The following SLC24A2 variants were observed in gnomAD, a reference collection of about 807,000 sequenced individuals.
The protein encoded by SLC24A2 is solute carrier family 24 member 2.
A neutral mutation model predicts 62.0 loss-of-function variants in SLC24A2; 36 were observed. The ratio of observed to expected loss-of-function variants is 0.58; its 90% CI spans 0.44 to 0.77. SLC24A2 has a LOEUF of 0.77. SLC24A2 is among the 30% of genes least tolerant of loss of function. SLC24A2 has a pLI of 0.00. For missense variants in SLC24A2, 846 were observed against 817.9 expected (o/e 1.03, Z -0.42); for synonymous variants, 358 against 294.0 (o/e 1.22, Z -2.23).
chr9:19,847,632 G>C, the SLC24A2 span, among the ~76,000 whole-genome samples: 1 of 152,182 alleles, frequency 6.6e-6, no homozygotes, highest in African/African-American at 2.4e-5. Context: ...ACACCGGAGA[G>C]AAGACTGGGA....
chr9:20,237,112 G>T, the SLC24A2 span, among the ~76,000 whole-genome samples: 1 of 152,138 alleles, frequency 6.6e-6, no homozygotes, highest in East Asian at 1.9e-4. Flanking sequence ...GAACCTCCAG[G>T]TTACTCCTTG....
At chr9:20,049,967 T>C in the SLC24A2 span, among the ~76,000 whole-genome samples, 5 of 152,066 alleles carry the variant, frequency 3.3e-5, no homozygotes, top group African/African-American at 4.8e-5. Flanking sequence ...GTGTGCCACA[T>C]TGGTTAAACC....
At chr9:19,793,171 G>A (rs995013295), upstream of SLC24A2, among the ~76,000 whole-genome samples, 1 of 152,228 alleles carries the variant, frequency 6.6e-6, no homozygotes, top group East Asian at 1.9e-4. Context: ...TGTAGGTTAT[G>A]TTATGATAAC....
the SLC24A2 span, among the ~76,000 whole-genome samples, chr9:19,966,424 AC>A: frequency 6.6e-6 from 1 of 152,250 alleles, no homozygotes; most frequent in African/African-American, 2.4e-5. Context: ...GGGTATGAAC[AC>A]AAAGATCATT....
chr9:19,704,178 G>T (rs916314513), intron 2 of SLC24A2, among the ~76,000 whole-genome samples: 1 of 152,166 alleles, frequency 6.6e-6, no homozygotes, highest in African/African-American at 2.4e-5. Flanking sequence ...TAGTAGGTCT[G>T]GGGGAGCGCC....
chr9:19,864,033 G>A, the SLC24A2 span, among the ~76,000 whole-genome samples: 4 of 151,774 alleles, frequency 2.6e-5, no homozygotes, highest in Non-Finnish European at 5.9e-5. Flanking sequence ...TCAAAGGATC[G>A]TTAGTGGCTA....
the SLC24A2 span, among the ~76,000 whole-genome samples, chr9:19,990,073 A>C: frequency 1.3e-5 from 2 of 152,160 alleles, no homozygotes; most frequent in Non-Finnish European, 2.9e-5. Context: ...GAATGACTAA[A>C]ATTATAAACA....
At chr9:20,243,722 C>T in the SLC24A2 span, among the ~76,000 whole-genome samples, 2 of 152,192 alleles carry the variant, frequency 1.3e-5, no homozygotes, top group East Asian at 3.9e-4. Flanking sequence ...AAAAGGAAAG[C>T]AGAGCAAATG....
chr9:19,576,930 G>C lies in SLC24A2; in HGVS notation c.1222C>G (p.His408Asp), dbSNP rs758669345. The C allele has an allele frequency of 1.4e-5, 22 of 1,612,008 alleles. No individual in the cohort carries two copies. The highest frequency in any genetic ancestry group is 6.7e-5 in the Admixed American group (4 of 59,994). ...GATGTTTCCCTGCACTCACCCACGT[G>C]GTTGGCAGCCCCATTCTGCCTCTCG... Reference protein sequence around the residue: ...ENERQNGAANHVEKIELPNST... With the variant: ...ENERQNGAANDVEKIELPNST... Residue 408 changes from histidine (H) to aspartate (D), a missense_variant, in exon 6 of 11, where the codon CAC (histidine) becomes GAC (aspartate). Coordinates refer to ENST00000341998, the MANE Select transcript of SLC24A2 (RefSeq NM_020344.4).
the SLC24A2 span, among the ~76,000 whole-genome samples, chr9:19,948,727 C>A: frequency 6.6e-6 from 1 of 150,866 alleles, no homozygotes; most frequent in East Asian, 2.0e-4. Flanking sequence ...CGCCTGTAGT[C>A]CCAGCTACTC....
At chr9:20,188,490 C>T in the SLC24A2 span, among the ~76,000 whole-genome samples, 4 of 152,302 alleles carry the variant, frequency 2.6e-5, no homozygotes, top group South Asian at 8.3e-4. Flanking sequence ...CAGCTACATC[C>T]ACATTCTAAT....
the SLC24A2 span, among the ~76,000 whole-genome samples, chr9:19,826,407 T>C: frequency 6.6e-6 from 1 of 152,070 alleles, no homozygotes; most frequent in African/African-American, 2.4e-5. Flanking sequence ...TTGAGGTATT[T>C]GTGAGAGAAT....
the SLC24A2 span, among the ~76,000 whole-genome samples, chr9:20,023,913 C>G: frequency 3.5e-4 from 53 of 152,292 alleles, no homozygotes; most frequent in Middle Eastern, 0.014. Context: ...CTGTGGACAT[C>G]CTAGAGTGAG....
At chr9:19,827,060 C>A in the SLC24A2 span, among the ~76,000 whole-genome samples, 1 of 152,152 alleles carries the variant, frequency 6.6e-6, no homozygotes, top group Non-Finnish European at 1.5e-5. Flanking sequence ...TTGCTTCCCA[C>A]ACACTCAGCT....
chr9:20,267,651 CTG>C, the SLC24A2 span, among the ~76,000 whole-genome samples: 1 of 152,214 alleles, frequency 6.6e-6, no homozygotes, highest in Admixed American at 6.5e-5. Context: ...AAGCCCAGCA[CTG>C]TGTCTGCCAC....
chr9:20,196,961 C>T, the SLC24A2 span, among the ~76,000 whole-genome samples: 1 of 152,154 alleles, frequency 6.6e-6, no homozygotes, highest in East Asian at 1.9e-4. Context: ...ATAAACAAGG[C>T]ATTGCATAAT....
At chr9:20,010,172 C>T in the SLC24A2 span, among the ~76,000 whole-genome samples, 2 of 152,280 alleles carry the variant, frequency 1.3e-5, no homozygotes, top group South Asian at 4.1e-4. Context: ...ACTTGAGAAA[C>T]TGACAGCAAA....
the SLC24A2 span, among the ~76,000 whole-genome samples, chr9:20,178,037 A>G: frequency 6.6e-6 from 1 of 152,172 alleles, no homozygotes; most frequent in Non-Finnish European, 1.5e-5. Context: ...AAATGACTGT[A>G]TCACTTACAG....
At chr9:19,544,263 T>TTTTTA (rs1236645030) in intron 8 of SLC24A2, among the ~76,000 whole-genome samples, 2 of 150,376 alleles carry the variant, frequency 1.3e-5, no homozygotes, top group African/African-American at 4.9e-5. Context: ...TGCTTTTTTT[T>TTTTTA]TTTTTCTTTC....
Sources: allele counts gnomAD v4.1 joint callset (sites outside exome capture counted in the v4.1 genomes callset), GRCh38; gene constraint gnomAD v4.1.1; transcripts MANE v1.5; gene names NCBI Gene and HGNC (gene_info 2026-07-23, HGNC 2026-07-21).